Variants in LRP5 observed in about 807,000 individuals in gnomAD.
The protein encoded by LRP5 is LDL receptor related protein 5.
A neutral mutation model predicts 154.1 loss-of-function variants in LRP5; 62 were observed. That is an observed-to-expected ratio of 0.40 (90% CI 0.33 to 0.50). The LOEUF (loss-of-function observed/expected upper bound fraction) is 0.50, where lower values mean the gene tolerates loss of function less well. LRP5 is among the 20% of genes least tolerant of loss of function. The pLI, the probability that LRP5 is intolerant of heterozygous loss-of-function variation, is 0.55. For synonymous variants in LRP5, 966 were observed against 1,011.5 expected (o/e 0.96, Z 0.85); for missense variants, 1,915 against 2,336.7 (o/e 0.82, Z 3.72).
At chr11:68,387,224 C>G (rs1355528141) in intron 6 of LRP5, among the ~76,000 whole-genome samples, 1 of 151,926 alleles carries the variant, frequency 6.6e-6, no homozygotes, top group African/African-American at 2.4e-5. Context: ...AAGTGATTCT[C>G]CTGCCTCAGC....
At chr11:68,366,179 C>T (rs1288849616) in intron 5 of LRP5, among the ~76,000 whole-genome samples, 4 of 152,148 alleles carry the variant, frequency 2.6e-5, no homozygotes, top group South Asian at 2.1e-4. Flanking sequence ...GCCTGGCAAG[C>T]GAGGGGGTAA....
intron 2 of LRP5, among the ~76,000 whole-genome samples, chr11:68,356,197 A>G (rs895170284): frequency 2.0e-5 from 3 of 147,412 alleles, no homozygotes; most frequent in African/African-American, 7.6e-5. Flanking sequence ...GCTGGAGTGC[A>G]GTGGTACAGT....
At chr11:68,373,430 T>C (rs2098635510) in intron 5 of LRP5, among the ~76,000 whole-genome samples, 1 of 152,134 alleles carries the variant, frequency 6.6e-6, no homozygotes, top group African/African-American at 2.4e-5. Context: ...AAGGTGGCAC[T>C]ATTTACGTGG....
chr11:68,422,600 G>T (rs1408204363), intron 13 of LRP5, among the ~76,000 whole-genome samples: 10 of 152,174 alleles, frequency 6.6e-5, no homozygotes, highest in Admixed American at 6.5e-4. Flanking sequence ...AGGGTGGGCT[G>T]GGCTTAGGCA....
At chr11:68,352,625 T>C (rs28369501) in intron 2 of LRP5, among the ~76,000 whole-genome samples, 1,805 of 150,852 alleles carry the variant, frequency 0.012, 36 homozygotes, top group African/African-American at 0.04. Context: ...GGAAGGTGAT[T>C]GGTACTTTGT....
intron 2 of LRP5, among the ~76,000 whole-genome samples, chr11:68,355,777 G>A (rs945547247): frequency 2.6e-5 from 4 of 152,084 alleles, no homozygotes; most frequent in African/African-American, 4.8e-5. Context: ...GCAAAGCCAC[G>A]TCGCCCACAG....
chr11:68,397,972 T>TGTGTGTGTGTGTGTGTGTGTGTG (rs2098650381), intron 7 of LRP5, among the ~76,000 whole-genome samples: 5 of 142,192 alleles, frequency 3.5e-5, no homozygotes, highest in East Asian at 2.1e-4. Flanking sequence ...CTGTGTGTGT[T>TGTGTGTGTGTGTGTGTGTGTGTG]TGTGTGTGTG....
In LRP5 at chr11:68,439,903, C is replaced by A; in HGVS notation, c.4475C>A (p.Thr1492Lys). The A allele has an allele frequency of 6.8e-7, 1 of 1,477,408 alleles. No homozygotes were observed. Among genetic ancestry groups the A allele is most frequent in the South Asian group, 1.3e-5 (1 of 76,764 alleles). The allele number at this position is 1,477,408 out of a possible 1,614,324, so 91.5% of individuals were successfully genotyped here. A position where few individuals can be genotyped will look rare whatever the true frequency, so the allele number is the denominator to read the frequency against. ...SSSSSSSTKA[T>K]LYPPILNPPP... ...AGCAGCTCGTCCAGCACGAAGGCCA[C>A]GCTGTACCCGCCGGTGAGGGGCGGG... The change falls in exon 21 of 23, where the codon ACG becomes AAG. Residue 1492 changes from threonine (T) to lysine (K), a missense_variant. Physicochemically the swap from Thr to Lys is moderately conservative, Grantham distance 78. This residue lies in a region of LRP5 where 1,094 missense variants were observed against 1,210.1 expected (regional missense o/e 0.90). Coordinates refer to ENST00000294304, the MANE Select transcript of LRP5 (RefSeq NM_002335.4).
chr11:68,413,635 C>A lies in LRP5; in HGVS notation c.2504-54C>A. 1.3e-6 allele frequency: 2 copies of A among 1,534,454 alleles called. No homozygotes were observed. Among genetic ancestry groups the A allele is most frequent in the Non-Finnish European group, 9.0e-7 (1 of 1,109,104 alleles). On this transcript the variant is annotated intron_variant, in intron 11 of 22. Coordinates refer to ENST00000294304, the MANE Select transcript of LRP5 (RefSeq NM_002335.4). The surrounding 1 kb of genome is among the most constrained non-coding windows in gnomAD (Gnocchi z 5.1). ...GGCTCACCCCGCAGGGCGCCGTGTGCTCTGTGGCCTGGCTGTGCCTTTGCT... is the reference window on the plus strand; with the variant it reads ...GGCTCACCCCGCAGGGCGCCGTGTGATCTGTGGCCTGGCTGTGCCTTTGCT...
At chr11:68,340,708 C>A (rs946146265) in intron 1 of LRP5, among the ~76,000 whole-genome samples, 1 of 151,718 alleles carries the variant, frequency 6.6e-6, no homozygotes, top group East Asian at 1.9e-4. Context: ...TTGTGATGTA[C>A]GGTCCTGAAA....
upstream of LRP5, among the ~76,000 whole-genome samples, chr11:68,309,094 C>T (rs1316141822): frequency 1.3e-4 from 20 of 151,730 alleles, no homozygotes; most frequent in East Asian, 1.9e-4. Context: ...CCACCACGCC[C>T]GGCTAATTTT....
intron 5 of LRP5, among the ~76,000 whole-genome samples, chr11:68,373,401 C>G (rs539879621): frequency 6.6e-6 from 1 of 152,138 alleles, no homozygotes; most frequent in Non-Finnish European, 1.5e-5. Context: ...GGGGGGGCCC[C>G]GCACTGCTGT....
At position 68,426,187 on chromosome 11, in the gene LRP5, T is replaced by C. The variant is rs772741983; in HGVS notation, c.3637T>C (p.Ser1213Pro). ...AVEEVSLEEF[S>P]AHPCARDNGG... The stretch of plus-strand genomic sequence containing the variant: ...GGAGGAAGTCAGCCTGGAGGAGTTC[T>C]GTACGTGGGGGCTGGCAGTGGGGTG... Residue 1213 changes from serine (S) to proline (P), a missense_variant and splice_region_variant, in exon 16 of 23, where the codon TCA becomes CCA. Around this residue, in one of 3 missense-constraint regions of LRP5, gnomAD observed 1,094 missense variants for 1,210.1 expected, o/e 0.90. Transcript: ENST00000294304. The C allele has an allele frequency of 2.5e-6, 4 of 1,610,614 alleles. No homozygotes were observed. In the South Asian group the frequency reaches 3.3e-5, roughly 13 times the overall value.
At chr11:68,446,979 G>T in intron 22 of LRP5, 2 of 265,396 alleles carry the variant, frequency 7.5e-6, no homozygotes, top group South Asian at 7.7e-5. Context: ...ACCCCTAATC[G>T]TGTGACGTCA....
intron 2 of LRP5, among the ~76,000 whole-genome samples, chr11:68,349,653 G>T (rs1291632026): frequency 6.6e-6 from 1 of 152,202 alleles, no homozygotes; most frequent in Non-Finnish European, 1.5e-5. Flanking sequence ...GTGATCCCAG[G>T]TGGGGAGAGC....
rs190337333 is a variant in LRP5, at chr11:68,351,641, A to G, written c.488+3398A>G. ...CAGCTCCCTCACCTCCCAACCAGGC[A>G]TCCACTGCATTTGTGAGCCCTTGCG... On this transcript the variant is annotated intron_variant, in intron 2 of 22. Coordinates refer to ENST00000294304, the MANE Select transcript of LRP5 (RefSeq NM_002335.4). 2.4e-3 allele frequency among the ~76,000 whole-genome samples: 366 copies of G among 152,254 alleles called. 1 individual carries two copies. Among genetic ancestry groups the G allele is most frequent in the Middle Eastern group, 6.8e-3 (2 of 294 alleles).
At chr11:68,305,671 G>A in the LRP5 span, among the ~76,000 whole-genome samples, 2 of 152,132 alleles carry the variant, frequency 1.3e-5, no homozygotes, top group African/African-American at 4.8e-5. Context: ...TTGAACTCCT[G>A]ACCTCAAGTG....
intron 1 of LRP5, among the ~76,000 whole-genome samples, chr11:68,338,433 A>T (rs1188036782): frequency 6.6e-6 from 1 of 152,194 alleles, no homozygotes; most frequent in African/African-American, 2.4e-5. Flanking sequence ...GATTGTTGGC[A>T]CTTGGGTTTT....
intron 21 of LRP5, among the ~76,000 whole-genome samples, chr11:68,444,614 T>G (rs59553449): frequency 0.17 from 21,642 of 126,040 alleles, 1,788 homozygotes; most frequent in Middle Eastern, 0.37. Context: ...CCTCTTTGAA[T>G]AGGGCCTGGC....
Sources: allele counts gnomAD v4.1 joint callset (sites outside exome capture counted in the v4.1 genomes callset), GRCh38; gene constraint gnomAD v4.1.1; regional missense constraint gnomAD v4.1.1; non-coding constraint Gnocchi (gnomAD v3.1); transcripts MANE v1.5; gene names NCBI Gene and HGNC (gene_info 2026-07-23, HGNC 2026-07-21).